Variants in TNRC6C observed in about 807,000 individuals in gnomAD.
TNRC6C encodes trinucleotide repeat containing adaptor 6C, also known as trinucleotide repeat-containing gene 6C protein.
A neutral mutation model predicts 153.7 loss-of-function variants in TNRC6C; 20 were observed. That is an observed-to-expected ratio of 0.13 (90% CI 0.09 to 0.19). The LOEUF is 0.19. TNRC6C is among the 10% of genes least tolerant of loss of function. The pLI, the probability that TNRC6C is intolerant of heterozygous loss-of-function variation, is 1.00. For missense variants in TNRC6C, 1,987 were observed against 2,172.0 expected (o/e 0.91, Z 1.69); for synonymous variants, 811 against 841.4 (o/e 0.96, Z 0.63).
At chr17:77,972,340 C>T (rs1424941183) in intron 1 of TNRC6C, among the ~76,000 whole-genome samples, 2 of 151,976 alleles carry the variant, frequency 1.3e-5, no homozygotes, top group Non-Finnish European at 2.9e-5. Flanking sequence ...TGGTGAAACC[C>T]CATCTCTACA....
intron 1 of TNRC6C, among the ~76,000 whole-genome samples, chr17:77,984,088 G>T (rs998780068): frequency 6.6e-6 from 1 of 152,154 alleles, no homozygotes; most frequent in East Asian, 1.9e-4. Context: ...CCCAGTTTAT[G>T]TAAATCCACA....
intron 18 of TNRC6C, 127 bp downstream of exon 21, chr17:78,102,671 C>A: frequency 1.1e-6 from 1 of 928,684 alleles, no homozygotes; most frequent in Non-Finnish European, 1.6e-6. Flanking sequence ...CCATAAGTGA[C>A]GCTGCATGGG....
chr17:78,050,490 A>G (rs1279352953), exon 3 of TNRC6C: 7 of 1,613,950 alleles, frequency 4.3e-6, no homozygotes, highest in Non-Finnish European at 5.9e-6. Context: ...ACAATGGGAC[A>G]GAGGCCTGGG....
At chr17:78,024,253 G>A (rs2071891258) in intron 1 of TNRC6C, among the ~76,000 whole-genome samples, 2 of 152,290 alleles carry the variant, frequency 1.3e-5, no homozygotes, top group South Asian at 4.1e-4. Flanking sequence ...GTTTTATTTG[G>A]AAAGTTTGCT....
At chr17:78,004,299 T>G, upstream of TNRC6C, 1 of 1,231,704 alleles carries the variant, frequency 8.1e-7, no homozygotes, top group Non-Finnish European at 1.0e-6. Flanking sequence ...TTCATTGTCT[T>G]TGTATCATTG....
rs183981132 is a variant in TNRC6C, at chr17:77,961,898, T to C, written c.-38+2630T>C. ...AAACAGCTGGCTTTCCTGAGATACA[T>C]TTGTGCTTTTCCAAATGCTGTCATC... On this transcript the variant is annotated intron_variant, in intron 1 of 22. Coordinates refer to the TNRC6C transcript ENST00000636222. 3.2e-3 allele frequency among the ~76,000 whole-genome samples: 481 copies of C among 152,290 alleles called. 2 individuals carry two copies. The highest frequency in any genetic ancestry group is 0.011 in the African/African-American group (440 of 41,564).
intron 1 of TNRC6C, among the ~76,000 whole-genome samples, chr17:77,995,965 C>T (rs1413249058): frequency 6.6e-6 from 1 of 152,136 alleles, no homozygotes. Context: ...CCCAGCTACA[C>T]AAGATTCTGA....
chr17:78,098,651 G>A (rs1043669048), intron 17 of TNRC6C, 114 bp downstream of exon 20: 10 of 1,162,408 alleles, frequency 8.6e-6, no homozygotes, highest in Admixed American at 5.6e-5. Context: ...CTGGAGCCTG[G>A]GAGGGCTTAG....
intron 1 of TNRC6C, among the ~76,000 whole-genome samples, chr17:77,968,373 G>T (rs1001051192): frequency 6.6e-6 from 1 of 151,066 alleles, no homozygotes. Flanking sequence ...ACGTAGTCTT[G>T]TTCTGTCGCC....
intron 2 of TNRC6C, among the ~76,000 whole-genome samples, chr17:78,037,573 C>T (rs747582474): frequency 5.9e-5 from 9 of 152,124 alleles, no homozygotes; most frequent in East Asian, 1.9e-4. Flanking sequence ...GAAAGGGCGT[C>T]GCAGATGGAG....
At chr17:77,971,754 T>G (rs1460321238) in intron 1 of TNRC6C, among the ~76,000 whole-genome samples, 1 of 152,106 alleles carries the variant, frequency 6.6e-6, no homozygotes, top group African/African-American at 2.4e-5. Flanking sequence ...CCCCATTGAC[T>G]TCTCTCTTTC....
intron 2 of TNRC6C, among the ~76,000 whole-genome samples, chr17:78,045,837 G>T (rs539177713): frequency 1.3e-5 from 2 of 151,912 alleles, no homozygotes; most frequent in South Asian, 2.1e-4. Flanking sequence ...TTCAATAGAA[G>T]AAAGTATATA....
chr17:78,095,723 T>A (rs1418555797), intron 16 of TNRC6C, among the ~76,000 whole-genome samples: 1 of 152,072 alleles, frequency 6.6e-6, no homozygotes, highest in Non-Finnish European at 1.5e-5. Context: ...ACAATGAACA[T>A]CTCTTCACGT....
intron 2 of TNRC6C, among the ~76,000 whole-genome samples, chr17:78,035,839 G>A (rs900523394): frequency 3.9e-5 from 6 of 152,088 alleles, no homozygotes; most frequent in East Asian, 3.8e-4. Context: ...ATTTCTGGTC[G>A]CAGTGAAAGT....
upstream of TNRC6C, among the ~76,000 whole-genome samples, chr17:77,957,897 G>A (rs2070820693): frequency 6.6e-6 from 1 of 152,224 alleles, no homozygotes; most frequent in African/African-American, 2.4e-5. Context: ...GCCCGGGTTC[G>A]GCCCGGACCG....
chr17:78,028,132 T>G (rs986378267), intron 1 of TNRC6C, among the ~76,000 whole-genome samples: 2 of 152,194 alleles, frequency 1.3e-5, no homozygotes, highest in African/African-American at 4.8e-5. Flanking sequence ...TCTGACCTTG[T>G]GATCTGCCCG....
intron 8 of TNRC6C, among the ~76,000 whole-genome samples, chr17:78,076,370 T>A (rs2073085546): frequency 6.6e-6 from 1 of 152,222 alleles, no homozygotes. Flanking sequence ...GTCTTCATCC[T>A]GCCCCTCGCC....
chr17:78,065,913 G>C (rs906771460), intron 4 of TNRC6C, among the ~76,000 whole-genome samples: 1 of 152,116 alleles, frequency 6.6e-6, no homozygotes, highest in African/African-American at 2.4e-5. Context: ...ATGAGTATAA[G>C]ATTACTGATT....
At chr17:78,100,145 CT>C (rs772913990) in intron 17 of TNRC6C, among the ~76,000 whole-genome samples, 14 of 152,238 alleles carry the variant, frequency 9.2e-5, no homozygotes, top group Admixed American at 2.6e-4. Flanking sequence ...TTGTCTGCAG[CT>C]TTTCCAGGCA....
Sources: gnomAD v4.1 joint callset for allele counts (sites outside exome capture counted in the v4.1 genomes callset) on GRCh38, gnomAD v4.1.1 for gene constraint, MANE v1.5 for transcripts, NCBI Gene and HGNC (gene_info 2026-07-23, HGNC 2026-07-21) for gene names.